USP36: variants seen among roughly 807,000 people sequenced by gnomAD.
The protein encoded by USP36 is ubiquitin carboxyl-terminal hydrolase 36.
A neutral mutation model predicts 111.5 loss-of-function variants in USP36; 59 were observed. The ratio of observed to expected loss-of-function variants is 0.53; its 90% confidence interval spans 0.43 to 0.66. The LOEUF (loss-of-function observed/expected upper bound fraction) is 0.66, where lower values mean the gene tolerates loss of function less well. Among genes scored for constraint, USP36 ranks in the 30% least tolerant of loss-of-function variants. The probability of loss-of-function intolerance (pLI) is 0.00; values close to 1 mark genes in which losing one functional copy is unlikely to be tolerated. For missense variants in USP36, 1,488 were observed against 1,468.0 expected (o/e 1.01, Z -0.22); for synonymous variants, 628 against 581.0 (o/e 1.08, Z -1.16).
In USP36 at chr17:78,807,095, T is replaced by C. The variant is rs1380151341; in HGVS notation, c.1949A>G (p.His650Arg). The C allele has an allele frequency of 6.2e-7, 1 of 1,614,118 alleles. No homozygotes were observed. The highest frequency in any genetic ancestry group is 8.5e-7 in the Non-Finnish European group (1 of 1,180,010). The change falls in exon 14 of 21, where the codon CAC becomes CGC. Residue 650 changes from histidine (H) to arginine (R), a missense_variant. Physicochemically the swap from His to Arg is conservative, Grantham distance 29. Coordinates refer to ENST00000449938, the MANE Select transcript of USP36 (RefSeq NM_001385174.1). Reference sequence around the variant, plus strand: ...TGCTCCACTTGGCGGCGTTTTGGAGTGGCCAGCGGTGGAACAGTTCGTTTC... The same window carrying C: ...TGCTCCACTTGGCGGCGTTTTGGAGCGGCCAGCGGTGGAACAGTTCGTTTC... Reference protein sequence around the residue: ...SQETNCSTAGHSKTPPSGADS... With the variant: ...SQETNCSTAGRSKTPPSGADS...
chr17:78,815,033 G>T (rs1203022999), intron 10 of USP36, among the ~76,000 whole-genome samples: 2 of 150,094 alleles, frequency 1.3e-5, no homozygotes, highest in Non-Finnish European at 1.5e-5. Context: ...CCCAGGCAAT[G>T]ATTAAAAACC....
upstream of USP36, chr17:78,840,929 T>G (rs998284766): frequency 2.6e-5 from 4 of 152,204 alleles, no homozygotes; most frequent in East Asian, 1.9e-4. Context: ...CGGGGCTAGA[T>G]TCCGCTAACT....
rs757626090 is a variant in USP36, at chr17:78,818,637, G to A, written c.1023+30C>T. ...TCTGATGCCGACTGTGGCCCACGGAGCTGCCTGGGATGGTGTCACGAGCGC... is the reference window on the plus strand; with the variant it reads ...TCTGATGCCGACTGTGGCCCACGGAACTGCCTGGGATGGTGTCACGAGCGC... On this transcript the variant is annotated intron_variant, in intron 10 of 20. Coordinates refer to ENST00000449938, the MANE Select transcript of USP36 (RefSeq NM_001385174.1). 4.4e-6 allele frequency: 7 copies of A among 1,600,878 alleles called. No homozygotes were observed. The South Asian group carries it at 7.7e-5, about 18-fold the overall frequency.
intron 13 of USP36, 100 bp downstream of exon 13, chr17:78,812,760 C>CCTG: frequency 3.0e-6 from 4 of 1,317,680 alleles, no homozygotes; most frequent in Non-Finnish European, 4.2e-6. Flanking sequence ...GTGCAAACTG[C>CCTG]CTGCAAATTC....
rs759842188 is a variant in USP36, at chr17:78,819,957, C to T, written c.884G>A (p.Ser295Asn). ...AGCACACATGTAGGCATTCTCTCCA[C>T]TCAGGACATCTGCTTTCACAAAAAG... ...LELFVKADVL[S>N]GENAYMCAKC... is the part of the protein sequence containing the mutation. Residue 295 changes from serine (S) to asparagine (N), a missense_variant, in exon 9 of 21, where the codon AGT becomes AAT. By Grantham distance (46) the Ser-to-Asn change is conservative. Transcript: ENST00000449938. 24 of 1,614,060 alleles carry T rather than the reference C, an allele frequency of 1.5e-5. No homozygotes were observed. The South Asian group carries it at 2.4e-4, about 16-fold the overall frequency.
chr17:78,824,491 CG>C (rs777887592), intron 6 of USP36, among the ~76,000 whole-genome samples: 11 of 152,086 alleles, frequency 7.2e-5, no homozygotes, highest in Non-Finnish European at 1.5e-4. Flanking sequence ...CTGCCGTGAG[CG>C]GAGATTGCAC....
chr17:78,799,402 G>T (rs779348965), intron 18 of USP36, among the ~76,000 whole-genome samples: 2 of 152,166 alleles, frequency 1.3e-5, no homozygotes, highest in Non-Finnish European at 2.9e-5. Context: ...CCCTACCCAA[G>T]ACACAGCATG....
intron 2 of USP36, among the ~76,000 whole-genome samples, chr17:78,838,371 CA>C (rs1195525371): frequency 0.02 from 1,198 of 58,488 alleles, 28 homozygotes; most frequent in African/African-American, 0.062. Flanking sequence ...GACTTGGTCT[CA>C]AAAAAAAAAA....
At position 78,803,894 on chromosome 17, in the gene USP36, C is replaced by A. The variant is rs765761723; in HGVS notation, c.2301G>T (p.Lys767Asn). ...PHPTLLSSTPKPPGTSEPRSC... is the reference protein window; with the variant it reads ...PHPTLLSSTPNPPGTSEPRSC... ...TCCGTGGTTCTGACGTCCCTGGGGG[C>A]TTGGGGGTACTGGACAGCAATGTGG... Residue 767 changes from lysine to asparagine, a missense_variant, in exon 16 of 21, where the codon AAG (lysine) becomes AAT (asparagine). Transcript: ENST00000449938. This position sits in a 1 kb window ranked among gnomAD's most constrained non-coding sequence, Gnocchi z 4.6. 7 of 1,545,040 alleles carry A rather than the reference C, an allele frequency of 4.5e-6. No homozygotes were observed. The highest frequency in any genetic ancestry group is 2.6e-6 in the Non-Finnish European group (3 of 1,143,710).
At chr17:78,806,391 C>G in intron 14 of USP36, 105 bp from the exon 15 acceptor site, 1 of 1,496,334 alleles carries the variant, frequency 6.7e-7, no homozygotes, top group Non-Finnish European at 9.0e-7. Context: ...ACAAAAGAGC[C>G]CAGAAAAAAA....
intron 4 of USP36, among the ~76,000 whole-genome samples, chr17:78,832,912 G>A (rs1037905547): frequency 1.3e-5 from 2 of 152,156 alleles, no homozygotes; most frequent in Non-Finnish European, 2.9e-5. Context: ...ACTTTCGGAG[G>A]CAGAGGCAGG....
chr17:78,826,086 T>C (rs1531797), intron 6 of USP36, among the ~76,000 whole-genome samples: 60,719 of 152,028 alleles, frequency 0.4, 14,530 homozygotes, highest in Non-Finnish European at 0.53. Flanking sequence ...CCCAGTTCAC[T>C]GAAGGGCAGA....
intron 9 of USP36, 93 bp from the exon 10 acceptor site, chr17:78,818,871 C>T: frequency 7.8e-7 from 1 of 1,278,148 alleles, no homozygotes; most frequent in South Asian, 1.2e-5. Context: ...GCAACAACTG[C>T]TCTGTAATAG....
chr17:78,802,796 T>C (rs1396492154), intron 16 of USP36, among the ~76,000 whole-genome samples: 2 of 152,188 alleles, frequency 1.3e-5, no homozygotes, highest in Non-Finnish European at 2.9e-5. Context: ...TACTGTGACC[T>C]GATGAAACGG....
At chr17:78,787,986 C>T (rs1453838206) in intron 3 of USP36, among the ~76,000 whole-genome samples, 1 of 152,086 alleles carries the variant, frequency 6.6e-6, no homozygotes, top group Non-Finnish European at 1.5e-5. Context: ...GCTGGATTCT[C>T]CCCCACAGCC....
chr17:78,812,082 G>T (rs2094073305), intron 13 of USP36, among the ~76,000 whole-genome samples: 1 of 151,988 alleles, frequency 6.6e-6, no homozygotes, highest in Non-Finnish European at 1.5e-5. Flanking sequence ...GAATACTAGG[G>T]ATGCTGGGGC....
At chr17:78,802,617 G>T in intron 16 of USP36, 82 bp from the exon 17 acceptor site, 1 of 1,382,232 alleles carries the variant, frequency 7.2e-7, no homozygotes, top group South Asian at 1.3e-5. Flanking sequence ...CCTGCAACAT[G>T]GAGAAGGTGC....
chr17:78,804,625 TAAAAAAAA>T (rs35371422), intron 15 of USP36, among the ~76,000 whole-genome samples: 4 of 38,340 alleles, frequency 1.0e-4, no homozygotes, highest in East Asian at 1.5e-3. Flanking sequence ...CCCTGAGATT[TAAAAAAAA>T]AAAAAAAAAA....
chr17:78,813,336 G>A (rs1302676185), intron 12 of USP36, among the ~76,000 whole-genome samples: 4 of 152,116 alleles, frequency 2.6e-5, no homozygotes, highest in Admixed American at 6.6e-5. Context: ...CAGCTGCCAC[G>A]GTCTCCAGCC....
Sources: allele counts gnomAD v4.1 joint callset (sites outside exome capture counted in the v4.1 genomes callset), GRCh38; gene constraint gnomAD v4.1.1; non-coding constraint Gnocchi (gnomAD v3.1); transcripts MANE v1.5; gene names NCBI Gene and HGNC (gene_info 2026-07-23, HGNC 2026-07-21).